PLSCR2: variants seen among roughly 807,000 people sequenced by gnomAD.
PLSCR2 encodes the protein PL scramblase 2.
In PLSCR2, 18 loss-of-function variants were observed where a neutral mutation model predicts 25.3. The observed-to-expected ratio is 0.71, with a 90% CI of 0.49 to 1.06. The LOEUF is 1.06. Among genes scored for constraint, PLSCR2 ranks in the 50% least tolerant of loss-of-function variants. PLSCR2 has a pLI of 0.00. For synonymous variants in PLSCR2, 88 were observed against 87.3 expected (o/e 1.01, Z -0.04); for missense variants, 243 against 269.5 (o/e 0.90, Z 0.69).
Position 146,397,115 on chromosome 3 carries a change from C to T in PLSCR2, c.101-1194G>A, listed in dbSNP as rs149621402. ...ATTCAGCCTCTGTTGTATCTCCATA[C>T]TTTCTCTCATTTGGCTCTGTTCTTT... On this transcript the variant is annotated intron_variant and NMD_transcript_variant, in intron 2 of 3. Transcript: ENST00000463633. 1.8e-3 allele frequency among the ~76,000 whole-genome samples: 275 copies of T among 152,146 alleles called. 1 individual carries two copies. The highest frequency in any genetic ancestry group is 6.4e-3 in the African/African-American group (265 of 41,536).
chr3:146,449,375 G>C lies in PLSCR2; in HGVS notation c.484-8C>G. 3 of 1,385,476 alleles carry C rather than the reference G, an allele frequency of 2.2e-6. No individual in the cohort carries two copies. The highest frequency in any genetic ancestry group is 2.6e-5 in the Admixed American group (1 of 39,096). 85.8% of individuals were successfully genotyped at this position (1,385,476 alleles called of 1,614,324 possible). A position where few individuals can be genotyped will look rare whatever the true frequency, so the allele number is the denominator to read the frequency against. ...TTCATCAAGAGATGTAATCTAAATT[G>C]CAAAAAAAAAAAAAACTTAAAAATT... On this transcript the variant is annotated splice_polypyrimidine_tract_variant and splice_region_variant and intron_variant, in intron 5 of 6. Coordinates refer to ENST00000610787, the Ensembl canonical transcript of PLSCR2.
intron 1 of PLSCR2, among the ~76,000 whole-genome samples, chr3:146,479,057 C>T (rs148655057): frequency 6.6e-4 from 100 of 152,242 alleles, no homozygotes; most frequent in African/African-American, 2.3e-3. Context: ...GAGATTTTGT[C>T]ACCACCAGGC....
intron 3 of PLSCR2, among the ~76,000 whole-genome samples, chr3:146,393,024 T>A (rs1198675336): frequency 7.2e-6 from 1 of 139,202 alleles, no homozygotes; most frequent in East Asian, 2.0e-4. Flanking sequence ...GTTATTTACA[T>A]TCCTTTTTTT....
At chr3:146,407,797 A>G (rs1199970249) in intron 2 of PLSCR2, among the ~76,000 whole-genome samples, 1 of 151,354 alleles carries the variant, frequency 6.6e-6, no homozygotes. Flanking sequence ...AGCCTACAAC[A>G]CATCTGTCTC....
chr3:146,474,116 A>T (rs987573958), intron 1 of PLSCR2, among the ~76,000 whole-genome samples: 1 of 133,032 alleles, frequency 7.5e-6, no homozygotes. Flanking sequence ...GTATATTAAT[A>T]TGTATCTGTG....
intron 1 of PLSCR2, among the ~76,000 whole-genome samples, chr3:146,487,660 G>C (rs924872225): frequency 2.0e-5 from 3 of 152,078 alleles, no homozygotes; most frequent in Admixed American, 2.0e-4. Flanking sequence ...CATTGCTCAA[G>C]GAAATAAGAG....
At chr3:146,399,842 T>C (rs961518569) in intron 2 of PLSCR2, among the ~76,000 whole-genome samples, 5 of 151,570 alleles carry the variant, frequency 3.3e-5, no homozygotes, top group African/African-American at 1.2e-4. Flanking sequence ...CCTTCCCTTT[T>C]TCTTACCATA....
intron 3 of PLSCR2, among the ~76,000 whole-genome samples, chr3:146,393,107 C>T (rs1269463663): frequency 7.7e-5 from 11 of 143,260 alleles, no homozygotes; most frequent in Non-Finnish European, 1.6e-4. Flanking sequence ...TGGCTCACTG[C>T]AAGCTCCGCC....
chr3:146,451,163 G>A (rs1198118157), intron 5 of PLSCR2, among the ~76,000 whole-genome samples: 1 of 140,260 alleles, frequency 7.1e-6, no homozygotes, highest in Admixed American at 7.5e-5. Context: ...CCCCCAGGCT[G>A]GAGTGCAACG....
intron 1 of PLSCR2, among the ~76,000 whole-genome samples, chr3:146,467,606 A>T (rs192760920): frequency 1.1e-4 from 16 of 151,858 alleles, no homozygotes; most frequent in African/African-American, 3.4e-4. Context: ...AATTAAATTT[A>T]TTATAAATAT....
intron 3 of PLSCR2, among the ~76,000 whole-genome samples, chr3:146,395,109 C>G (rs190550792): frequency 3.0e-4 from 46 of 152,080 alleles, no homozygotes; most frequent in Admixed American, 2.3e-3. Flanking sequence ...CAAAAATGAA[C>G]TAATACAATG....
chr3:146,398,432 C>G (rs140346563), intron 2 of PLSCR2, among the ~76,000 whole-genome samples: 121 of 151,784 alleles, frequency 8.0e-4, no homozygotes, highest in African/African-American at 2.8e-3. Context: ...AAATAACAAA[C>G]TTCTGATACC....
intron 6 of PLSCR2, among the ~76,000 whole-genome samples, chr3:146,444,689 T>C (rs182066369): frequency 6.4e-4 from 98 of 152,142 alleles, no homozygotes; most frequent in African/African-American, 2.2e-3. Flanking sequence ...GGTTGCGTCT[T>C]GTTTGTTTTT....
At chr3:146,461,939 A>G, upstream of PLSCR2, 2 of 1,479,120 alleles carry the variant, frequency 1.4e-6, no homozygotes, top group Non-Finnish European at 1.8e-6. Context: ...ACAGCTACAA[A>G]TAATATCCTT....
intron 1 of PLSCR2, chr3:146,469,231 C>A: frequency 4.1e-6 from 4 of 985,634 alleles, no homozygotes; most frequent in Non-Finnish European, 4.8e-6. Context: ...AGCAGTGTAG[C>A]TAAGGGGAAG....
exon 2 of PLSCR2, chr3:146,460,040 G>T: frequency 6.3e-7 from 1 of 1,589,360 alleles, no homozygotes; most frequent in Non-Finnish European, 8.6e-7. Flanking sequence ...GTTTCCCAGT[G>T]TGTCCAGCCT....
intron 8 of PLSCR2, among the ~76,000 whole-genome samples, chr3:146,436,304 G>A (rs971472781): frequency 6.6e-6 from 1 of 152,118 alleles, no homozygotes; most frequent in African/African-American, 2.4e-5. Flanking sequence ...TTCCAATTCT[G>A]TGAAGAAAGT....
rs200145864 is a variant in PLSCR2 at position 146,423,234 on chromosome 3, C to CCTCTCTCT, written c.101-27321_101-27314dup. ...CTGTCTCTTTCCTCTCCTTGCAGTGCCTCTCTCTCTCTCTCTCTCTCTCTC... is the reference window on the plus strand; with the variant it reads ...CTGTCTCTTTCCTCTCCTTGCAGTGCCTCTCTCTCTCTCTCTCTCTCTCTCTCTCTCTC... On this transcript the variant is annotated intron_variant and NMD_transcript_variant, in intron 2 of 3. Transcript: ENST00000463633. Among the ~76,000 whole-genome samples the CCTCTCTCT allele has an allele frequency of 3.1e-3, 166 of 53,468 alleles. 8 individuals carry two copies. The highest frequency in any genetic ancestry group is 5.5e-3 in the African/African-American group (78 of 14,156). 35.1% of individuals were successfully genotyped at this position (53,468 alleles called of 152,430 possible). A position where few individuals can be genotyped will look rare whatever the true frequency, so the allele number is the denominator to read the frequency against.
chr3:146,455,146 C>A (rs2041127588), intron 4 of PLSCR2, 93 bp downstream of exon 4: 1 of 811,238 alleles, frequency 1.2e-6, no homozygotes, highest in Non-Finnish European at 2.0e-6. Context: ...GAGCCATATT[C>A]ATTTAAATTT....
Sources: gnomAD v4.1 joint callset for allele counts (sites outside exome capture counted in the v4.1 genomes callset) on GRCh38, gnomAD v4.1.1 for gene constraint, MANE v1.5 for transcripts, NCBI Gene and HGNC (gene_info 2026-07-23, HGNC 2026-07-21) for gene names.